Variants in ACTN1 observed in about 807,000 individuals in gnomAD.
The protein encoded by ACTN1 is alpha-actinin-1.
ACTN1 carries 30 observed loss-of-function variants against 119.6 expected under a neutral mutation model. The ratio of observed to expected loss-of-function variants is 0.25; its 90% CI spans 0.19 to 0.34. The LOEUF (loss-of-function observed/expected upper bound fraction) is 0.34. Among genes scored for constraint, ACTN1 ranks in the 10% least tolerant of loss-of-function variants. ACTN1 has a pLI of 1.00. For synonymous variants in ACTN1, 429 were observed against 472.6 expected, an observed-to-expected ratio of 0.91 and a Z score of 1.20; for missense variants, 764 against 1,223.4, an observed-to-expected ratio of 0.62 and a Z score of 5.60.
chr14:68,928,301 C>A (rs531659942), intron 1 of ACTN1, among the ~76,000 whole-genome samples: 1 of 152,204 alleles, frequency 6.6e-6, no homozygotes, highest in Non-Finnish European at 1.5e-5. Context: ...AAACAAAACA[C>A]ACCTATGTTT....
rs2034856943 is a variant in ACTN1 at position 68,925,192 on chromosome 14, G to A, written c.220+366C>T. Among the ~76,000 whole-genome samples the A allele has an allele frequency of 6.6e-6, 1 of 152,110 alleles. No individual in the cohort carries two copies. Among genetic ancestry groups the A allele is most frequent in the African/African-American group, 2.4e-5 (1 of 41,412 alleles). ...AACCAGGGGCTGGGGAATGGCCTGG[G>A]TCACCTGGATACAGGTAGATAAGTA... On this transcript the variant is annotated intron_variant, in intron 2 of 21. Coordinates refer to ENST00000394419, the MANE Select transcript of ACTN1 (RefSeq NM_001130004.2). The surrounding 1 kb of genome is among the most constrained non-coding windows in gnomAD (Gnocchi z 4.3).
chr14:68,952,344 C>T (rs1424270298), intron 1 of ACTN1, among the ~76,000 whole-genome samples: 3 of 152,202 alleles, frequency 2.0e-5, no homozygotes, highest in Non-Finnish European at 2.9e-5. Flanking sequence ...GCAGACAGGT[C>T]GAAGTGACAG....
chr14:68,929,040 G>A (rs987579704), intron 1 of ACTN1, among the ~76,000 whole-genome samples: 1 of 151,608 alleles, frequency 6.6e-6, no homozygotes, highest in Non-Finnish European at 1.5e-5. Flanking sequence ...TGGCGGGTTC[G>A]TGGGAGAGGG....
At position 68,880,230 on chromosome 14, in the gene ACTN1, G is replaced by T; in HGVS notation, c.2134-122C>A. ...AGCCATCAAACTTGGCCTTCTGTGT[G>T]GCTGAGTGTCACCAGAGGAAGGGGA... On this transcript the variant is annotated intron_variant, in intron 17 of 21. Coordinates refer to ENST00000394419, the MANE Select transcript of ACTN1 (RefSeq NM_001130004.2). This position sits in a 1 kb window ranked among gnomAD's most constrained non-coding sequence, Gnocchi z 4.6. 8.1e-7 allele frequency: 1 copy of T among 1,227,728 alleles called. No homozygotes were observed. The highest frequency in any genetic ancestry group is 1.1e-6 in the Non-Finnish European group (1 of 890,400). 76.1% of individuals were successfully genotyped at this position (1,227,728 alleles called of 1,614,324 possible). A position where few individuals can be genotyped will look rare whatever the true frequency, so the allele number is the denominator to read the frequency against.
chr14:68,968,630 G>C (rs936361223), intron 1 of ACTN1, among the ~76,000 whole-genome samples: 1 of 152,184 alleles, frequency 6.6e-6, no homozygotes, highest in Non-Finnish European at 1.5e-5. Flanking sequence ...ACTCTACAAG[G>C]TACTCTTTCC....
chr14:68,881,486 G>A (rs1344009340), intron 16 of ACTN1, among the ~76,000 whole-genome samples: 3 of 152,090 alleles, frequency 2.0e-5, no homozygotes, highest in Non-Finnish European at 2.9e-5. Context: ...CAGGCCTAAT[G>A]CCCATTTCTG....
At position 68,878,999 on chromosome 14, in the gene ACTN1, T is replaced by C. The variant is rs541568381; in HGVS notation, c.2351A>G (p.Asn784Ser). The change falls in exon 19 of 22, where the codon AAC becomes AGC. Residue 784 changes from asparagine (N) to serine (S), a missense_variant. Asn to Ser is a conservative substitution (Grantham distance 46, BLOSUM62 1). Transcript: ENST00000394419. This position sits in a 1 kb window ranked among gnomAD's most constrained non-coding sequence, Gnocchi z 4.4. ...CLISLGYDIG[N>S]DPQKKTGMMD... ...GCAGGAGGCGAGTACCTGGGGGTCG[T>C]TGCCAATATCATAACCCAAGCTGAT... The C allele has an allele frequency of 2.2e-5, 35 of 1,613,276 alleles. No individual in the cohort carries two copies. Among genetic ancestry groups the C allele is most frequent in the South Asian group, 1.9e-4 (17 of 91,038 alleles).
chr14:68,936,269 T>C (rs2035504071), intron 1 of ACTN1, among the ~76,000 whole-genome samples: 1 of 152,132 alleles, frequency 6.6e-6, no homozygotes. Flanking sequence ...ACTCAGTGTT[T>C]CTGTCTCAAG....
chr14:68,882,903 C>T lies in ACTN1; in HGVS notation c.1788G>A (p.Thr596=), dbSNP rs745457004. 44 of 1,614,056 alleles carry T rather than the reference C, an allele frequency of 2.7e-5. No individual in the cohort carries two copies. Among genetic ancestry groups the T allele is most frequent in the South Asian group, 4.4e-5 (4 of 91,090 alleles). The stretch of plus-strand genomic sequence containing the variant: ...CCCATTTGCCATTGATCTCCTGAGG[C>T]GTGATGGTTGTGTAGGGGTTGGTGC... ...MAGTNPYTTI[T]PQEINGKWDH... is the part of the protein sequence containing the mutation. The change falls in exon 15 of 22, where the codon ACG becomes ACA. Residue 596 remains threonine (T), a synonymous_variant. Coordinates refer to ENST00000394419, the MANE Select transcript of ACTN1 (RefSeq NM_001130004.2). This position sits in a 1 kb window ranked among gnomAD's most constrained non-coding sequence, Gnocchi z 4.5.
intron 1 of ACTN1, among the ~76,000 whole-genome samples, chr14:68,934,072 C>T (rs1268845810): frequency 1.3e-5 from 2 of 152,118 alleles, no homozygotes; most frequent in African/African-American, 4.8e-5. Context: ...CACAGGCCCC[C>T]CAAAAATGTC....
chr14:68,902,508 C>G lies in ACTN1; in HGVS notation c.731G>C (p.Ser244Thr). ...GGCTCCAGAGAAGGCGTGGTAGAAG[C>G]TAGACACGTAAGTCATGATGGCTTT... ...DEKAIMTYVS[S>T]FYHAFSGAQK... The change falls in exon 8 of 22, where the codon AGC becomes ACC. Residue 244 changes from serine to threonine, a missense_variant. By Grantham distance (58) the Ser-to-Thr change is moderately conservative. This residue lies in a region of ACTN1 where 544 missense variants were observed against 912.0 expected (regional missense o/e 0.60). Transcript: ENST00000394419. 1 of 1,613,970 alleles carries G rather than the reference C, an allele frequency of 6.2e-7. No homozygotes were observed. The highest frequency in any genetic ancestry group is 8.5e-7 in the Non-Finnish European group (1 of 1,179,944).
In ACTN1 at chr14:68,874,999, C is replaced by A; in HGVS notation, c.2605G>T (p.Glu869Ter). ...TCGGGTGGCAGCTCGCGGCGCAGCT[C>A]GTCCATGGTAATGTAGTTCTGCGAG... ...AGDKNYITMD[E>*]LRRELPPDQA... The change falls in exon 22 of 22, where the codon GAG becomes TAG. Residue 869 changes from glutamate (E) to a stop codon, truncating the protein, a stop_gained. Transcript: ENST00000394419. LOFTEE classifies it high-confidence loss of function. 6.2e-7 allele frequency: 1 copy of A among 1,613,536 alleles called. No individual in the cohort carries two copies. The highest frequency in any genetic ancestry group is 1.3e-5 in the African/African-American group (1 of 75,054).
At chr14:68,889,126 C>T (rs1273382257) in intron 11 of ACTN1, among the ~76,000 whole-genome samples, 1 of 152,206 alleles carries the variant, frequency 6.6e-6, no homozygotes, top group Admixed American at 6.5e-5. Flanking sequence ...AGCCTGTTCC[C>T]CACCTCCAGC....
intron 7 of ACTN1, among the ~76,000 whole-genome samples, chr14:68,903,168 C>G (rs2033447325): frequency 6.6e-6 from 1 of 152,236 alleles, no homozygotes; most frequent in Non-Finnish European, 1.5e-5. Flanking sequence ...GGCAAGACCT[C>G]AGTAGCCATT....
At position 68,939,263 on chromosome 14, in the gene ACTN1, G is replaced by A. The variant is rs964302995; in HGVS notation, c.106-13591C>T. ...TCCTCTTAGCTCCTCGCCAATGAGA[G>A]TCAACTGCCTCAGCCAATCTGTCAC... On this transcript the variant is annotated intron_variant, in intron 1 of 21. Transcript: ENST00000394419. Among the ~76,000 whole-genome samples the A allele has an allele frequency of 3.6e-4, 55 of 152,176 alleles. 1 individual carries two copies. Among genetic ancestry groups the A allele is most frequent in the Admixed American group, 3.3e-3 (51 of 15,276 alleles).
At chr14:68,917,981 A>T (rs2140334507) in intron 3 of ACTN1, among the ~76,000 whole-genome samples, 1 of 152,302 alleles carries the variant, frequency 6.6e-6, no homozygotes, top group African/African-American at 2.4e-5. Context: ...CAGATTAAGA[A>T]TCACTTGAGC....
chr14:68,918,985 A>G (rs1304466504), intron 3 of ACTN1, among the ~76,000 whole-genome samples: 1 of 152,184 alleles, frequency 6.6e-6, no homozygotes, highest in East Asian at 1.9e-4. Flanking sequence ...CGAGCCCATC[A>G]TGAGTGTAGC....
In ACTN1 at chr14:68,967,434, T is replaced by C. The variant is rs1047781237; in HGVS notation, c.105+11518A>G. On this transcript the variant is annotated intron_variant, in intron 1 of 21. Transcript: ENST00000394419. ...TCTTTGGGGTGCTGGGATGAGCTCATCAGGGAGCTCCTGAAAGTCCATTAC... is the reference window on the plus strand; with the variant it reads ...TCTTTGGGGTGCTGGGATGAGCTCACCAGGGAGCTCCTGAAAGTCCATTAC... Among the ~76,000 whole-genome samples, 6 of 152,192 alleles carry C rather than the reference T, an allele frequency of 3.9e-5. No individual in the cohort carries two copies. In the East Asian group the frequency reaches 5.8e-4, roughly 15 times the overall value.
chr14:68,972,573 T>C lies in ACTN1; in HGVS notation c.105+6379A>G, dbSNP rs2300874. Among the ~76,000 whole-genome samples, 449 of 152,380 alleles carry C rather than the reference T, an allele frequency of 2.9e-3. 15 individuals carry two copies. The East Asian group carries it at 0.076, about 26-fold the overall frequency. ...AGTGGTTTCACGTATATTTGTGAGG[T>C]TGTGAAACCACCACTACTATCCAAT... On this transcript the variant is annotated intron_variant, in intron 1 of 21. Transcript: ENST00000394419.
Sources: gnomAD v4.1 joint callset for allele counts (sites outside exome capture counted in the v4.1 genomes callset) on GRCh38, gnomAD v4.1.1 for gene constraint, gnomAD v4.1.1 regional missense constraint, Gnocchi (gnomAD v3.1) non-coding constraint, MANE v1.5 for transcripts, NCBI Gene and HGNC (gene_info 2026-07-23, HGNC 2026-07-21) for gene names.